The following GALNT12 variants were observed in gnomAD, a reference collection of about 807,000 sequenced individuals.
GALNT12 encodes UDP-GalNAc:polypeptide N-acetylgalactosaminyltransferase 12.
GALNT12 carries 45 observed loss-of-function variants against 55.5 expected under a neutral mutation model. The ratio of observed to expected loss-of-function variants is 0.81; its 90% CI spans 0.64 to 1.04. The LOEUF (loss-of-function observed/expected upper bound fraction) is 1.04, where lower values mean the gene tolerates loss of function less well. Ranked by LOEUF, GALNT12 falls within the 50% of genes least tolerant of loss-of-function variation. The pLI, the probability that GALNT12 is intolerant of heterozygous loss-of-function variation, is 0.00. For missense variants in GALNT12, 709 were observed against 754.8 expected, an observed-to-expected ratio of 0.94 and a Z score of 0.71; for synonymous variants, 304 against 312.2, an observed-to-expected ratio of 0.97 and a Z score of 0.28.
In GALNT12 at chr9:98,837,023, C is replaced by G. The variant is rs369793331; in HGVS notation, c.1087C>G (p.His363Asp). 1 of 1,614,184 alleles carries G rather than the reference C, an allele frequency of 6.2e-7. No individual in the cohort carries two copies. Among genetic ancestry groups the G allele is most frequent in the Non-Finnish European group, 8.5e-7 (1 of 1,180,046 alleles). ...AACACACCCATGTTCCCATGTTGGC[C>G]ATGTTTTCCCCAAGCAAGCTCCCTA... is the stretch of plus-strand genomic sequence containing the variant. Reference protein sequence around the residue: ...LETHPCSHVGHVFPKQAPYSR... With the variant: ...LETHPCSHVGDVFPKQAPYSR... Residue 363 changes from histidine to aspartate, a missense_variant, in exon 6 of 10, where the codon CAT becomes GAT. Coordinates refer to ENST00000375011, the MANE Select transcript of GALNT12 (RefSeq NM_024642.5).
chr9:98,823,879 G>A (rs1183424294), intron 2 of GALNT12, among the ~76,000 whole-genome samples: 1 of 152,206 alleles, frequency 6.6e-6, no homozygotes, highest in Non-Finnish European at 1.5e-5. Context: ...GGGTGGAGGG[G>A]CCTCTGTGGT....
chr9:98,820,882 G>A (rs902677365), intron 1 of GALNT12, among the ~76,000 whole-genome samples: 3 of 152,188 alleles, frequency 2.0e-5, no homozygotes, highest in Admixed American at 2.0e-4. Flanking sequence ...TTGAAATACT[G>A]TAGACTGGAG....
rs11467276 is a variant in GALNT12, at chr9:98,821,624, C to CAAAAAAAAAAA, written c.372-1629_372-1619dup. Among the ~76,000 whole-genome samples, 6 of 112,028 alleles carry CAAAAAAAAAAA rather than the reference C, an allele frequency of 5.4e-5. 1 individual carries two copies. The highest frequency in any genetic ancestry group is 3.1e-4 in the East Asian group (1 of 3,276). 73.5% of individuals were successfully genotyped at this position (112,028 alleles called of 152,430 possible). A position where few individuals can be genotyped will look rare whatever the true frequency, so the allele number is the denominator to read the frequency against. ...TGGGCAACAGAGCGAGACTCCATCT[C>CAAAAAAAAAAA]AAAAAAAAAAAAAGAAAGAAATTTC... is the stretch of plus-strand genomic sequence containing the variant. On this transcript the variant is annotated intron_variant, in intron 1 of 9. Coordinates refer to ENST00000375011, the MANE Select transcript of GALNT12 (RefSeq NM_024642.5).
At chr9:98,818,406 G>A (rs561681640) in intron 1 of GALNT12, among the ~76,000 whole-genome samples, 2 of 152,184 alleles carry the variant, frequency 1.3e-5, no homozygotes, top group East Asian at 1.9e-4. Context: ...TGTATTTTTA[G>A]TAGAGATGGG....
intron 2 of GALNT12, 118 bp downstream of exon 2, chr9:98,823,543 C>A: frequency 2.3e-6 from 2 of 869,712 alleles, no homozygotes; most frequent in Non-Finnish European, 3.8e-6. Flanking sequence ...CCTGTATCCT[C>A]CTGTACCCAA....
intron 1 of GALNT12, among the ~76,000 whole-genome samples, chr9:98,810,480 G>C (rs1835471561): frequency 6.6e-6 from 1 of 152,054 alleles, no homozygotes; most frequent in South Asian, 2.1e-4. Context: ...AAACAGAAAA[G>C]GAAAAAAATG....
chr9:98,813,962 A>G (rs1188727045), intron 1 of GALNT12, among the ~76,000 whole-genome samples: 5 of 152,190 alleles, frequency 3.3e-5, no homozygotes, highest in African/African-American at 1.2e-4. Flanking sequence ...CTTTTGGTTA[A>G]AAGTAACTGA....
At position 98,837,172 on chromosome 9, in the gene GALNT12, C is replaced by T. The variant is rs183545516; in HGVS notation, c.1212+24C>T. 1.1e-5 allele frequency: 17 copies of T among 1,612,542 alleles called. No individual in the cohort carries two copies. The African/African-American group carries it at 1.9e-4, about 18-fold the overall frequency. ...TGGTGAGTTCCTCGGCCCACCTGCA[C>T]TCCATCTGGCTTCATCTGAACAACA... On this transcript the variant is annotated intron_variant, in intron 6 of 9. Coordinates refer to ENST00000375011, the MANE Select transcript of GALNT12 (RefSeq NM_024642.5).
intron 1 of GALNT12, among the ~76,000 whole-genome samples, chr9:98,822,465 C>T (rs1195680510): frequency 6.6e-6 from 1 of 152,170 alleles, no homozygotes; most frequent in South Asian, 2.1e-4. Context: ...GTTCTAATCA[C>T]TGCCAGTCAG....
intron 6 of GALNT12, among the ~76,000 whole-genome samples, chr9:98,837,452 G>A: frequency 6.6e-6 from 1 of 152,208 alleles, no homozygotes; most frequent in East Asian, 1.9e-4. Context: ...TTTGTCAGCA[G>A]ATCAATACAG....
At chr9:98,841,698 C>A (rs1035501321) in intron 7 of GALNT12, among the ~76,000 whole-genome samples, 9 of 149,852 alleles carry the variant, frequency 6.0e-5, no homozygotes, top group African/African-American at 2.0e-4. Flanking sequence ...AGAGAAAAGT[C>A]TTGCTCTTGT....
At position 98,807,990 on chromosome 9, in the gene GALNT12, G is replaced by T; in HGVS notation, c.292G>T (p.Val98Leu). 11 of 1,529,454 alleles carry T rather than the reference G, an allele frequency of 7.2e-6. No individual in the cohort carries two copies. Among genetic ancestry groups the T allele is most frequent in the South Asian group, 1.2e-5 (1 of 81,902 alleles). The allele number at this position is 1,529,454 out of a possible 1,614,324, so 94.7% of individuals were successfully genotyped here. A position where few individuals can be genotyped will look rare whatever the true frequency, so the allele number is the denominator to read the frequency against. ...GEELRLQEES[V>L]RLHQINIYLS... Reference sequence around the variant, plus strand: ...GGAGCTGCGGCTGCAGGAGGAGAGCGTGCGGCTGCACCAGATTAACATCTA... The same window carrying T: ...GGAGCTGCGGCTGCAGGAGGAGAGCTTGCGGCTGCACCAGATTAACATCTA... Residue 98 changes from valine (V) to leucine (L), a missense_variant, in exon 1 of 10, where the codon GTG becomes TTG. This residue lies in a region of GALNT12 where 315 missense variants were observed against 288.6 expected (regional missense o/e 1.09). Coordinates refer to ENST00000375011, the MANE Select transcript of GALNT12 (RefSeq NM_024642.5).
intron 2 of GALNT12, among the ~76,000 whole-genome samples, chr9:98,824,609 C>A (rs200611920): frequency 6.6e-6 from 1 of 152,114 alleles, no homozygotes; most frequent in Non-Finnish European, 1.5e-5. Flanking sequence ...GTAAGCCAGG[C>A]TGGGGTAAGC....
intron 1 of GALNT12, 31 bp downstream of exon 1, chr9:98,808,100 C>A: frequency 6.6e-7 from 1 of 1,515,486 alleles, no homozygotes; most frequent in Non-Finnish European, 8.9e-7. Flanking sequence ...AGGAAGCCCG[C>A]CCTCAGAGCC....
chr9:98,815,768 T>A (rs1201753818), intron 1 of GALNT12, among the ~76,000 whole-genome samples: 1 of 152,240 alleles, frequency 6.6e-6, no homozygotes, highest in Non-Finnish European at 1.5e-5. Context: ...TAATCTCACT[T>A]CTTAGAGATC....
intron 4 of GALNT12, among the ~76,000 whole-genome samples, chr9:98,833,211 A>T (rs1836045120): frequency 6.6e-6 from 1 of 152,102 alleles, no homozygotes; most frequent in African/African-American, 2.4e-5. Flanking sequence ...TGGGAGACAG[A>T]TGTGGGAGTT....
chr9:98,829,681 T>C (rs2118399459), intron 3 of GALNT12, among the ~76,000 whole-genome samples: 1 of 152,288 alleles, frequency 6.6e-6, no homozygotes, highest in South Asian at 2.1e-4. Context: ...AGTTCAATTG[T>C]TTTAAGTTTT....
chr9:98,849,246 A>G lies in GALNT12; in HGVS notation c.*154A>G. 2.7e-6 allele frequency: 2 copies of G among 734,566 alleles called. No individual in the cohort carries two copies. Among genetic ancestry groups the G allele is most frequent in the Non-Finnish European group, 4.7e-6 (2 of 429,816 alleles). The allele number at this position is 734,566 out of a possible 1,614,324, so 45.5% of individuals were successfully genotyped here. A position where few individuals can be genotyped will look rare whatever the true frequency, so the allele number is the denominator to read the frequency against. ...TTGCCATTTGTGAAAGTTGTGTTGG[A>G]TTTAGTAAAAATGTGAATAAGCTTT... On this transcript the variant is annotated 3_prime_UTR_variant, in exon 10 of 10. Coordinates refer to ENST00000375011, the MANE Select transcript of GALNT12 (RefSeq NM_024642.5).
At chr9:98,816,002 A>G (rs1296601466) in intron 1 of GALNT12, among the ~76,000 whole-genome samples, 1 of 152,238 alleles carries the variant, frequency 6.6e-6, no homozygotes, top group African/African-American at 2.4e-5. Flanking sequence ...AACACTCAAC[A>G]AAGGGTACTG....
Sources: gnomAD v4.1 joint callset for allele counts (sites outside exome capture counted in the v4.1 genomes callset) on GRCh38, gnomAD v4.1.1 for gene constraint, gnomAD v4.1.1 regional missense constraint, MANE v1.5 for transcripts, NCBI Gene and HGNC (gene_info 2026-07-23, HGNC 2026-07-21) for gene names.